Variants in RALYL observed in about 807,000 individuals in gnomAD.
The protein encoded by RALYL is RNA-binding Raly-like protein.
RALYL carries 29 observed loss-of-function variants against 35.1 expected under a neutral mutation model. That is an observed-to-expected ratio of 0.83 (90% confidence interval 0.61 to 1.13). The LOEUF (loss-of-function observed/expected upper bound fraction) is 1.13, where lower values mean the gene tolerates loss of function less well. Among genes scored for constraint, RALYL ranks in the 50% most tolerant of loss-of-function variants. The pLI is 0.00. For missense variants in RALYL, 359 were observed against 360.4 expected (o/e 1.00, Z 0.03); for synonymous variants, 120 against 127.6 (o/e 0.94, Z 0.40).
intron 1 of RALYL, among the ~76,000 whole-genome samples, chr8:84,363,895 T>A (rs1391547418): frequency 1.3e-5 from 2 of 152,300 alleles, no homozygotes; most frequent in East Asian, 1.9e-4. Context: ...AGTCATTCCC[T>A]TAGGTGTATC....
chr8:84,718,007 T>TA (rs1334059357), intron 2 of RALYL, among the ~76,000 whole-genome samples: 1 of 152,180 alleles, frequency 6.6e-6, no homozygotes, highest in Non-Finnish European at 1.5e-5. Flanking sequence ...TTGAGTTTTT[T>TA]ATGACTATTA....
intron 1 of RALYL, among the ~76,000 whole-genome samples, chr8:84,377,115 A>T (rs1161247339): frequency 6.6e-6 from 1 of 151,868 alleles, no homozygotes. Flanking sequence ...TCCTGGAATA[A>T]TTATTAAAAA....
chr8:84,242,262 T>C (rs879923973), intron 1 of RALYL, among the ~76,000 whole-genome samples: 1 of 152,224 alleles, frequency 6.6e-6, no homozygotes, highest in Non-Finnish European at 1.5e-5. Flanking sequence ...TTGTTGGGCA[T>C]TTGGGTTGAT....
rs554443944 is a variant in RALYL at position 84,897,275 on chromosome 8, C to T, written c.858+9499C>T. 4.6e-5 allele frequency among the ~76,000 whole-genome samples: 7 copies of T among 152,238 alleles called. No individual in the cohort carries two copies. In the South Asian group the frequency reaches 8.3e-4, roughly 18 times the overall value. ...TGATCATCTCATTTTGCCAGTGAAG[C>T]TTTCAATAAAACATTACATTCCTAG... On this transcript the variant is annotated intron_variant, in intron 8 of 8. Coordinates refer to ENST00000521268, the MANE Select transcript of RALYL (RefSeq NM_173848.7).
intron 3 of RALYL, among the ~76,000 whole-genome samples, chr8:84,801,045 C>A (rs953715758): frequency 6.6e-6 from 1 of 152,152 alleles, no homozygotes; most frequent in Non-Finnish European, 1.5e-5. Flanking sequence ...CTGAATCATA[C>A]CAAGCCTAGA....
intron 2 of RALYL, among the ~76,000 whole-genome samples, chr8:84,611,856 A>G (rs1441491685): frequency 2.6e-5 from 4 of 152,066 alleles, no homozygotes; most frequent in Admixed American, 6.6e-5. Flanking sequence ...AGCCATGTCT[A>G]TAGTGGGTTC....
At chr8:84,856,511 C>T (rs1837014798) in intron 5 of RALYL, among the ~76,000 whole-genome samples, 1 of 152,054 alleles carries the variant, frequency 6.6e-6, no homozygotes, top group Admixed American at 6.5e-5. Flanking sequence ...TCCGTGTGAT[C>T]CAAGGAGAAA....
At chr8:84,834,074 T>C (rs1294430023) in intron 4 of RALYL, among the ~76,000 whole-genome samples, 5 of 152,332 alleles carry the variant, frequency 3.3e-5, no homozygotes, top group African/African-American at 1.2e-4. Flanking sequence ...TAATTCAGTA[T>C]GTTAAATCAT....
chr8:84,363,006 C>T (rs999568543), intron 1 of RALYL, among the ~76,000 whole-genome samples: 1 of 152,070 alleles, frequency 6.6e-6, no homozygotes, highest in Non-Finnish European at 1.5e-5. Flanking sequence ...CACACATACA[C>T]ACATGAACTT....
intron 1 of RALYL, among the ~76,000 whole-genome samples, chr8:84,451,943 C>T (rs1010956995): frequency 2.0e-5 from 3 of 151,906 alleles, no homozygotes; most frequent in Non-Finnish European, 2.9e-5. Flanking sequence ...TTTACCAGTA[C>T]TGGATCAATG....
intron 8 of RALYL, among the ~76,000 whole-genome samples, chr8:84,909,921 G>A (rs928979414): frequency 2.0e-5 from 3 of 152,096 alleles, no homozygotes; most frequent in African/African-American, 7.2e-5. Flanking sequence ...GAAAATTTCA[G>A]TTTGGTGTTC....
At chr8:84,390,091 A>G (rs1046885192) in intron 1 of RALYL, among the ~76,000 whole-genome samples, 10 of 151,624 alleles carry the variant, frequency 6.6e-5, no homozygotes, top group East Asian at 1.9e-4. Context: ...TTCTGCATCA[A>G]TTGAGATAAT....
At position 84,183,942 on chromosome 8, in the gene RALYL, CTT is replaced by C. The variant is rs1313679935; in HGVS notation, c.-502_-501del. 1 of 152,312 alleles carries C rather than the reference CTT, an allele frequency of 6.6e-6. No individual in the cohort carries two copies. Among genetic ancestry groups the C allele is most frequent in the East Asian group, 1.9e-4 (1 of 5,180 alleles). 9.4% of individuals were successfully genotyped at this position (152,312 alleles called of 1,614,324 possible). On this transcript the variant is annotated 5_prime_UTR_variant, in exon 1 of 9. It introduces an in-frame stop codon into an upstream open reading frame of the 5' UTR. Transcript: ENST00000521268. Reference sequence around the variant, plus strand: ...GTTTCTAACTCTTTTTTTGCATACTCTTTTTCTGATAACATTTTTGTATAGGT... The same window carrying C: ...GTTTCTAACTCTTTTTTTGCATACTCTTTCTGATAACATTTTTGTATAGGT...
intron 2 of RALYL, among the ~76,000 whole-genome samples, chr8:84,583,545 G>T (rs1564186877): frequency 6.6e-6 from 1 of 152,004 alleles, no homozygotes; most frequent in Admixed American, 6.6e-5. Flanking sequence ...TTTTTGGAAT[G>T]ACTAAGATTT....
intron 1 of RALYL, among the ~76,000 whole-genome samples, chr8:84,424,494 A>T (rs970090897): frequency 6.7e-6 from 1 of 148,218 alleles, no homozygotes; most frequent in African/African-American, 2.6e-5. Flanking sequence ...CTTCGGTTTG[A>T]ATGTCCTTCC....
chr8:84,705,869 T>C (rs148918378), intron 2 of RALYL: 2 of 1,419,530 alleles, frequency 1.4e-6, no homozygotes, highest in African/African-American at 2.9e-5. Context: ...TCCCCTGTAA[T>C]TTTATGAGAA....
chr8:84,523,274 C>T (rs1414061114), intron 1 of RALYL, among the ~76,000 whole-genome samples: 1 of 152,072 alleles, frequency 6.6e-6, no homozygotes, highest in Non-Finnish European at 1.5e-5. Flanking sequence ...TGCAGCGAAA[C>T]TTCCCTTTAT....
chr8:84,806,312 T>G (rs1824588489), intron 4 of RALYL, among the ~76,000 whole-genome samples: 1 of 152,150 alleles, frequency 6.6e-6, no homozygotes, highest in Admixed American at 6.5e-5. Context: ...TTGTTAAAAA[T>G]CTCTACACCT....
intron 2 of RALYL, among the ~76,000 whole-genome samples, chr8:84,680,770 G>A (rs1273911724): frequency 2.6e-5 from 4 of 152,014 alleles, no homozygotes; most frequent in African/African-American, 7.3e-5. Flanking sequence ...AGATGAGTAG[G>A]TTGCAAAAAT....
Sources: allele counts gnomAD v4.1 joint callset (sites outside exome capture counted in the v4.1 genomes callset), GRCh38; gene constraint gnomAD v4.1.1; transcripts MANE v1.5; gene names NCBI Gene and HGNC (gene_info 2026-07-23, HGNC 2026-07-21).